IL21R: variants seen among roughly 807,000 people sequenced by gnomAD.
IL21R encodes the protein interleukin-21 receptor.
In IL21R, 14 loss-of-function variants were observed where a neutral mutation model predicts 41.3. That is an observed-to-expected ratio of 0.34 (90% confidence interval 0.22 to 0.53). The LOEUF (loss-of-function observed/expected upper bound fraction) is 0.53. IL21R is among the 20% of genes least tolerant of loss of function. The pLI, the probability that IL21R is intolerant of heterozygous loss-of-function variation, is 0.94. For synonymous variants in IL21R, 286 were observed against 287.6 expected (o/e 0.99, Z 0.05); for missense variants, 588 against 681.6 (o/e 0.86, Z 1.53).
intron 5 of IL21R, among the ~76,000 whole-genome samples, chr16:27,444,297 G>A (rs1252570321): frequency 6.6e-6 from 1 of 152,072 alleles, no homozygotes; most frequent in Non-Finnish European, 1.5e-5. Flanking sequence ...AGGACTGTGA[G>A]TGGCTGAATT....
At chr16:27,418,659 T>C (rs552482921) in intron 1 of IL21R, among the ~76,000 whole-genome samples, 365 of 152,308 alleles carry the variant, frequency 2.4e-3, no homozygotes, top group Admixed American at 5.0e-3. Flanking sequence ...CATGAGCCGC[T>C]GCGCCCCGCC....
chr16:27,436,397 GGGA>G (rs1273208878), intron 3 of IL21R, among the ~76,000 whole-genome samples: 1 of 152,248 alleles, frequency 6.6e-6, no homozygotes, highest in Non-Finnish European at 1.5e-5. Flanking sequence ...TTGAGGAATA[GGGA>G]GGAGGTCAGT....
Position 27,437,575 on chromosome 16 carries a change from C to T in IL21R, c.240C>T (p.Thr80=). 6.2e-7 allele frequency: 1 copy of T among 1,614,216 alleles called. No homozygotes were observed. The highest frequency in any genetic ancestry group is 8.5e-7 in the Non-Finnish European group (1 of 1,180,022). ...SAHNATHATY[T]CHMDVFHFMA... is the part of the protein sequence containing the mutation. ...ACAATGCCACGCATGCCACCTACAC[C>T]TGCCACATGGATGTATTCCACTTCA... The change falls in exon 4 of 9, where the codon ACC becomes ACT. Residue 80 remains threonine (T), a synonymous_variant. Coordinates refer to ENST00000337929, the MANE Select transcript of IL21R (RefSeq NM_181078.3).
intron 4 of IL21R, among the ~76,000 whole-genome samples, chr16:27,440,661 C>T (rs960750083): frequency 2.6e-4 from 40 of 152,274 alleles, no homozygotes; most frequent in Admixed American, 1.8e-3. Context: ...AGGACAAAAC[C>T]TCTGCCCCAA....
chr16:27,429,810 T>TC (rs1226115469), intron 1 of IL21R, among the ~76,000 whole-genome samples: 1 of 152,056 alleles, frequency 6.6e-6, no homozygotes, highest in Non-Finnish European at 1.5e-5. Flanking sequence ...ACAAATTCAC[T>TC]TTGCATTTGT....
At chr16:27,418,310 T>C (rs1007239820) in intron 1 of IL21R, among the ~76,000 whole-genome samples, 1 of 151,992 alleles carries the variant, frequency 6.6e-6, no homozygotes, top group Admixed American at 6.6e-5. Flanking sequence ...CCTTGTGATC[T>C]GCCCGTCTCG....
chr16:27,403,743 C>T (rs918069923), intron 1 of IL21R, among the ~76,000 whole-genome samples: 2 of 152,152 alleles, frequency 1.3e-5, no homozygotes, highest in African/African-American at 4.8e-5. Context: ...CCCATGGAGA[C>T]GGGCCCGACT....
At chr16:27,402,853 G>A (rs1347401721) in intron 1 of IL21R, among the ~76,000 whole-genome samples, 2 of 152,136 alleles carry the variant, frequency 1.3e-5, no homozygotes, top group Admixed American at 6.5e-5. Context: ...TGGCTGAGAC[G>A]ACCCTCTATC....
At chr16:27,421,292 T>C (rs1220822420) in intron 1 of IL21R, among the ~76,000 whole-genome samples, 1 of 143,812 alleles carries the variant, frequency 7.0e-6, no homozygotes, top group African/African-American at 2.6e-5. Context: ...TTCTAGTCCC[T>C]TACATTTCCC....
chr16:27,418,300 C>A, intron 1 of IL21R, among the ~76,000 whole-genome samples: 1 of 151,742 alleles, frequency 6.6e-6, no homozygotes, highest in East Asian at 1.9e-4. Flanking sequence ...GATCTCCTGA[C>A]CTTGTGATCT....
In IL21R at chr16:27,430,091, C is replaced by T. The variant is rs559469718; in HGVS notation, c.20C>T (p.Ala7Val). 1.9e-6 allele frequency: 3 copies of T among 1,605,272 alleles called. No homozygotes were observed. Among genetic ancestry groups the T allele is most frequent in the Admixed American group, 1.7e-5 (1 of 59,958 alleles). The change falls in exon 2 of 9, where the codon GCC becomes GTC. Residue 7 changes from alanine to valine, a missense_variant. Ala to Val is a moderately conservative substitution (Grantham distance 64). Coordinates refer to ENST00000337929, the MANE Select transcript of IL21R (RefSeq NM_181078.3). MPRGWA[A>V]PLLLLLLQGG... Reference sequence around the variant, plus strand: ...GTCAGCATGCCGCGTGGCTGGGCCGCCCCCTTGCTCCTGCTGCTGCTCCAG... The same window carrying T: ...GTCAGCATGCCGCGTGGCTGGGCCGTCCCCTTGCTCCTGCTGCTGCTCCAG...
intron 1 of IL21R, chr16:27,427,352 G>A (rs924813964): frequency 2.0e-6 from 2 of 983,482 alleles, no homozygotes; most frequent in African/African-American, 1.7e-5. Flanking sequence ...GCTCTGTGAT[G>A]TAGGCAGAGG....
intron 1 of IL21R, among the ~76,000 whole-genome samples, chr16:27,413,382 G>C (rs1202109501): frequency 6.6e-6 from 1 of 151,964 alleles, no homozygotes; most frequent in African/African-American, 2.4e-5. Context: ...GAGGATTTTT[G>C]CATCAGTATT....
intron 3 of IL21R, among the ~76,000 whole-genome samples, chr16:27,435,824 G>A (rs182971119): frequency 9.2e-5 from 14 of 151,966 alleles, no homozygotes; most frequent in Non-Finnish European, 1.3e-4. Context: ...GCTGGAGTGC[G>A]GTGGCATGAT....
chr16:27,403,170 C>A (rs1263867609), intron 1 of IL21R: 2 of 1,311,184 alleles, frequency 1.5e-6, no homozygotes, highest in African/African-American at 1.5e-5. Flanking sequence ...CAGGTGACCC[C>A]ATGAGCTGTC....
chr16:27,440,277 A>AGAGAGAGAGAGC (rs1320948814), intron 4 of IL21R, among the ~76,000 whole-genome samples: 16 of 136,632 alleles, frequency 1.2e-4, no homozygotes, highest in East Asian at 2.0e-4. Flanking sequence ...AGAGAGAGAG[A>AGAGAGAGAGAGC]GAGCGAGCAA....
intron 1 of IL21R, among the ~76,000 whole-genome samples, chr16:27,415,591 C>T (rs1210068737): frequency 1.3e-5 from 2 of 152,170 alleles, no homozygotes; most frequent in South Asian, 2.1e-4. Flanking sequence ...AGCAGAAAAA[C>T]GCGCAGGAAA....
chr16:27,407,757 G>A (rs939753441), intron 1 of IL21R, among the ~76,000 whole-genome samples: 6 of 152,134 alleles, frequency 3.9e-5, no homozygotes, highest in South Asian at 2.1e-4. Flanking sequence ...CCCGGGAGGC[G>A]GAGGTTGCAG....
intron 2 of IL21R, 91 bp downstream of exon 2, chr16:27,430,211 G>A (rs1028628504): frequency 1.1e-5 from 12 of 1,071,540 alleles, no homozygotes; most frequent in Non-Finnish European, 1.4e-5. Flanking sequence ...TCAAAAACAC[G>A]GCTAGAGTCC....
Sources: allele counts gnomAD v4.1 joint callset (sites outside exome capture counted in the v4.1 genomes callset), GRCh38; gene constraint gnomAD v4.1.1; transcripts MANE v1.5; gene names NCBI Gene and HGNC (gene_info 2026-07-23, HGNC 2026-07-21).